Variants in NEK1 observed in about 807,000 individuals in gnomAD.
The protein encoded by NEK1 is NIMA related kinase 1, also known as serine/threonine-protein kinase Nek1.
NEK1 carries 137 observed loss-of-function variants against 182.1 expected under a neutral mutation model. The observed-to-expected ratio is 0.75, with a 90% CI of 0.65 to 0.87. NEK1 has a LOEUF of 0.87. NEK1 is among the 40% of genes least tolerant of loss of function. The pLI, the probability that NEK1 is intolerant of heterozygous loss-of-function variation, is 0.00. For synonymous variants in NEK1, 513 were observed against 492.2 expected (o/e 1.04, Z -0.56); for missense variants, 1,391 against 1,494.4 (o/e 0.93, Z 1.14).
At chr4:169,409,231 G>A (rs577194938) in intron 31 of NEK1, among the ~76,000 whole-genome samples, 2 of 152,004 alleles carry the variant, frequency 1.3e-5, no homozygotes, top group South Asian at 4.2e-4. Flanking sequence ...TGCAAGCTCC[G>A]CCTCCCGGGT....
At chr4:169,606,985 G>A (rs574182290) in intron 2 of NEK1, among the ~76,000 whole-genome samples, 2 of 152,208 alleles carry the variant, frequency 1.3e-5, no homozygotes, top group Admixed American at 6.5e-5. Context: ...TTGCTGAGGA[G>A]AGAAAGCGGT....
chr4:169,456,741 A>G (rs1742960529), intron 27 of NEK1, among the ~76,000 whole-genome samples: 1 of 152,234 alleles, frequency 6.6e-6, no homozygotes, highest in Admixed American at 6.5e-5. Flanking sequence ...TCAGTATATC[A>G]AACAGATATC....
At chr4:169,448,292 G>A (rs141985808) in intron 27 of NEK1, among the ~76,000 whole-genome samples, 3 of 152,234 alleles carry the variant, frequency 2.0e-5, no homozygotes, top group Non-Finnish European at 4.4e-5. Context: ...ACAAAAAGTT[G>A]AAAAGTGAGG....
intron 31 of NEK1, among the ~76,000 whole-genome samples, chr4:169,408,846 C>G (rs1346007080): frequency 1.3e-5 from 2 of 152,160 alleles, no homozygotes; most frequent in African/African-American, 4.8e-5. Context: ...TACGTATATT[C>G]CACGTTTTCT....
rs1733691435 is a variant in NEK1 at position 169,393,244 on chromosome 4, A to C, written c.*1266T>G. 6.6e-6 allele frequency: 1 copy of C among 152,206 alleles called. No homozygotes were observed. Among genetic ancestry groups the C allele is most frequent in the Admixed American group, 6.5e-5 (1 of 15,278 alleles). The allele number at this position is 152,206 out of a possible 1,614,324, so 9.4% of individuals were successfully genotyped here. A position where few individuals can be genotyped will look rare whatever the true frequency, so the allele number is the denominator to read the frequency against. On this transcript the variant is annotated 3_prime_UTR_variant, in exon 36 of 36. Coordinates refer to ENST00000507142, the MANE Select transcript of NEK1 (RefSeq NM_001199397.3). Reference sequence around the variant, plus strand: ...TAAAAGCCTTCTATTGAGAAAAGTAAAATAATAAATAAAAGACAATTGATA... The same window carrying C: ...TAAAAGCCTTCTATTGAGAAAAGTACAATAATAAATAAAAGACAATTGATA...
intron 5 of NEK1, among the ~76,000 whole-genome samples, chr4:169,595,954 T>C (rs1043668557): frequency 2.0e-5 from 3 of 146,582 alleles, no homozygotes; most frequent in South Asian, 4.3e-4. Flanking sequence ...AGGAAATATA[T>C]GTGGAACCAA....
Position 169,508,321 on chromosome 4 carries a change from G to A in NEK1, c.1760C>T (p.Ala587Val). 1 of 1,575,114 alleles carries A rather than the reference G, an allele frequency of 6.3e-7. No individual in the cohort carries two copies. Among genetic ancestry groups the A allele is most frequent in the Non-Finnish European group, 8.6e-7 (1 of 1,160,466 alleles). Residue 587 changes from alanine to valine, a missense_variant, in exon 21 of 36, where the codon GCA becomes GTA. Coordinates refer to ENST00000507142, the MANE Select transcript of NEK1 (RefSeq NM_001199397.3). Reference protein sequence around the residue: ...PRNKEEEVYLARLRQIRLQNF... With the variant: ...PRNKEEEVYLVRLRQIRLQNF... ...CTGTAGTCTTATTTGCCTCAGTCTT[G>A]CCAGATAAACCTACAAGGAGGCAAA...
At chr4:169,412,807 T>C (rs1299060324) in intron 31 of NEK1, among the ~76,000 whole-genome samples, 1 of 142,818 alleles carries the variant, frequency 7.0e-6, no homozygotes, top group East Asian at 2.1e-4. Flanking sequence ...AGAACAGTTG[T>C]GGCAACAGAA....
intron 27 of NEK1, among the ~76,000 whole-genome samples, chr4:169,455,506 T>C (rs1026618592): frequency 6.6e-6 from 1 of 152,014 alleles, no homozygotes; most frequent in African/African-American, 2.4e-5. Flanking sequence ...ACAAGAACTA[T>C]AAAAAGATAC....
intron 23 of NEK1, among the ~76,000 whole-genome samples, chr4:169,485,494 G>C (rs2149584681): frequency 6.6e-6 from 1 of 152,178 alleles, no homozygotes; most frequent in Non-Finnish European, 1.5e-5. Flanking sequence ...ACTACATCTT[G>C]AGATAAAAGA....
chr4:169,535,505 T>C (rs946701140), intron 19 of NEK1, among the ~76,000 whole-genome samples: 5 of 150,964 alleles, frequency 3.3e-5, no homozygotes, highest in Non-Finnish European at 5.9e-5. Context: ...AGTGAATGGT[T>C]AGTAGTGTAC....
chr4:169,590,764 G>A lies in NEK1; in HGVS notation c.358C>T (p.His120Tyr). The change falls in exon 6 of 36, where the codon CAT (histidine) becomes TAT (tyrosine). Residue 120 changes from histidine to tyrosine, a missense_variant. Physicochemically the swap from His to Tyr is moderately conservative, Grantham distance 83. This residue lies in a region of NEK1 where 116 missense variants were observed against 114.5 expected (regional missense o/e 1.01). Coordinates refer to ENST00000507142, the MANE Select transcript of NEK1 (RefSeq NM_001199397.3). ...TCTCGATGAAGAATTTTTCTATCAT[G>A]TACATGTTTCAGGGCCAAACATATC... ...VQICLALKHV[H>Y]DRKILHRDIK... 2 of 1,599,468 alleles carry A rather than the reference G, an allele frequency of 1.3e-6. No individual in the cohort carries two copies. The highest frequency in any genetic ancestry group is 8.5e-7 in the Non-Finnish European group (1 of 1,172,228).
At chr4:169,576,526 A>C (rs1326747558) in intron 12 of NEK1, 1 of 157,136 alleles carries the variant, frequency 6.4e-6, no homozygotes, top group Non-Finnish European at 1.4e-5. Flanking sequence ...GACAGAGTAG[A>C]TTATATGATC....
chr4:169,488,576 A>C (rs1749473040), intron 23 of NEK1, among the ~76,000 whole-genome samples: 2 of 152,072 alleles, frequency 1.3e-5, no homozygotes, highest in African/African-American at 4.8e-5. Flanking sequence ...GTTACAGGGC[A>C]GTGATTTTTA....
intron 18 of NEK1, among the ~76,000 whole-genome samples, chr4:169,547,067 A>G (rs4431184): frequency 0.28 from 43,001 of 152,046 alleles, 8,643 homozygotes; most frequent in African/African-American, 0.58. Flanking sequence ...TCTTCATAGT[A>G]TCTATGGTGC....
At chr4:169,433,994 A>T (rs1426447896) in intron 28 of NEK1, among the ~76,000 whole-genome samples, 2 of 152,164 alleles carry the variant, frequency 1.3e-5, no homozygotes, top group Admixed American at 1.3e-4. Context: ...GGAAGGTATA[A>T]AAACAGTTTA....
intron 31 of NEK1, among the ~76,000 whole-genome samples, chr4:169,414,408 C>T (rs1468038948): frequency 6.6e-6 from 1 of 151,008 alleles, no homozygotes; most frequent in African/African-American, 2.4e-5. Context: ...GGTTGTTATC[C>T]AATAACCCTA....
chr4:169,544,915 CT>C (rs1328750728), intron 18 of NEK1, among the ~76,000 whole-genome samples: 14 of 150,674 alleles, frequency 9.3e-5, no homozygotes, highest in Admixed American at 2.6e-4. Flanking sequence ...TTTTGTTGAT[CT>C]TTAAAAAAAA....
intron 22 of NEK1, 68 bp from the exon 23 acceptor site, chr4:169,507,200 T>TTTTTTC (rs377083743): frequency 1.6e-6 from 1 of 643,772 alleles, no homozygotes; most frequent in African/African-American, 2.1e-5. Flanking sequence ...TTTTTTTTTT[T>TTTTTTC]GGGCCAGGTC....
Sources: allele counts gnomAD v4.1 joint callset (sites outside exome capture counted in the v4.1 genomes callset), GRCh38; gene constraint gnomAD v4.1.1; regional missense constraint gnomAD v4.1.1; transcripts MANE v1.5; gene names NCBI Gene and HGNC (gene_info 2026-07-23, HGNC 2026-07-21).